Variants in JPT2 observed in about 807,000 individuals in gnomAD.
JPT2 encodes CRAMP_1 like.
JPT2 carries 9 observed loss-of-function variants against 15.9 expected under a neutral mutation model. The ratio of observed to expected loss-of-function variants is 0.57; its 90% CI spans 0.34 to 0.99. The LOEUF is 0.99. Among genes scored for constraint, JPT2 ranks in the 50% least tolerant of loss-of-function variants. The pLI, the probability that JPT2 is intolerant of heterozygous loss-of-function variation, is 0.02. For synonymous variants in JPT2, 95 were observed against 91.7 expected (o/e 1.04, Z -0.21); for missense variants, 267 against 252.1 (o/e 1.06, Z -0.40).
chr16:1,697,278 C>G (rs2037149107), intron 3 of JPT2, among the ~76,000 whole-genome samples: 1 of 152,196 alleles, frequency 6.6e-6, no homozygotes, highest in Non-Finnish European at 1.5e-5. Context: ...CTTTGGGAGG[C>G]TGAGGCACGC....
chr16:1,686,720 T>C (rs1046721567), intron 2 of JPT2: 12 of 151,796 alleles, frequency 7.9e-5, no homozygotes, highest in African/African-American at 2.9e-4. Flanking sequence ...GAAAAAGGTT[T>C]CTCTTGGCTG....
chr16:1,700,065 C>G lies in JPT2; in HGVS notation c.*1067C>G, dbSNP rs138304158. 2.3e-6 allele frequency: 1 copy of G among 441,628 alleles called. No individual in the cohort carries two copies. Among genetic ancestry groups the G allele is most frequent in the Admixed American group, 2.4e-5 (1 of 41,524 alleles). 27.4% of individuals were successfully genotyped at this position (441,628 alleles called of 1,614,324 possible). On this transcript the variant is annotated 3_prime_UTR_variant, in exon 5 of 5. Transcript: ENST00000248098. The stretch of plus-strand genomic sequence containing the variant: ...TGTTGACTCTGGTCTGTTTCTGACA[C>G]CTTTCCAGAAAAAAGTCAATTGTTC...
At chr16:1,678,501 C>A in intron 1 of JPT2, 145 bp downstream of exon 1, 4 of 819,402 alleles carry the variant, frequency 4.9e-6, no homozygotes, top group South Asian at 6.3e-5. Context: ...GGCCGCCGCC[C>A]GCCTTTCTGC....
chr16:1,685,924 A>G (rs2037061652), intron 2 of JPT2: 1 of 215,804 alleles, frequency 4.6e-6, no homozygotes, highest in Non-Finnish European at 9.2e-6. Flanking sequence ...ATTATTGTGC[A>G]TTTAAACATT....
At chr16:1,692,253 A>T in intron 3 of JPT2, 1 of 497,654 alleles carries the variant, frequency 2.0e-6, no homozygotes, top group South Asian at 2.4e-5. Flanking sequence ...GCGGCTCCTC[A>T]CTGCAGTGCT....
chr16:1,695,353 T>C (rs1419320399), intron 3 of JPT2, among the ~76,000 whole-genome samples: 1 of 149,400 alleles, frequency 6.7e-6, no homozygotes. Flanking sequence ...TGCAGTGAGC[T>C]GAGATCGTGC....
chr16:1,682,559 C>T (rs1435794917), intron 1 of JPT2, among the ~76,000 whole-genome samples: 1 of 151,962 alleles, frequency 6.6e-6, no homozygotes, highest in Non-Finnish European at 1.5e-5. Context: ...GTAATCCCAG[C>T]TACTCAGGAG....
rs149509847 is a variant in JPT2, at chr16:1,684,754, A to G, written c.45-685A>G. Among the ~76,000 whole-genome samples the G allele has an allele frequency of 7.2e-4, 110 of 152,090 alleles. 2 individuals are homozygous for G. The East Asian group carries it at 0.016, about 21-fold the overall frequency. On this transcript the variant is annotated intron_variant, in intron 1 of 4. Coordinates refer to ENST00000248098, the MANE Select transcript of JPT2 (RefSeq NM_144570.3). ...GTAAAACTCCGTCTCAAAAAAAACA[A>G]ACAAAAGTTAGCCAGGTGTTGTGGC... is the stretch of plus-strand genomic sequence containing the variant.
chr16:1,698,703 T>C lies in JPT2; in HGVS notation c.386-108T>C. 1 of 1,078,760 alleles carries C rather than the reference T, an allele frequency of 9.3e-7. No homozygotes were observed. The highest frequency in any genetic ancestry group is 1.3e-6 in the Non-Finnish European group (1 of 757,790). The allele number at this position is 1,078,760 out of a possible 1,614,324, so 66.8% of individuals were successfully genotyped here. A position where few individuals can be genotyped will look rare whatever the true frequency, so the allele number is the denominator to read the frequency against. On this transcript the variant is annotated intron_variant, in intron 4 of 4. Coordinates refer to ENST00000248098, the MANE Select transcript of JPT2 (RefSeq NM_144570.3). This position sits in a 1 kb window ranked among gnomAD's most constrained non-coding sequence, Gnocchi z 4.9. ...TGTCTTCTCTTTCCCAGTTACAGCA[T>C]GAATTTCTTGCAGGTTGCTCTATGA...
chr16:1,680,349 A>C lies in JPT2; in HGVS notation c.44+1993A>C, dbSNP rs2037012716. On this transcript the variant is annotated intron_variant, in intron 1 of 4. Transcript: ENST00000248098. ...CGCCGATGTTTTTATATTGACTTTC[A>C]CGCTCCAGAAGTTAGCTGCACAGGG... 3.0e-6 allele frequency: 3 copies of C among 1,002,454 alleles called. No individual in the cohort carries two copies. The African/African-American group carries it at 5.2e-5, about 17-fold the overall frequency. 62.1% of individuals were successfully genotyped at this position (1,002,454 alleles called of 1,614,324 possible). A position where few individuals can be genotyped will look rare whatever the true frequency, so the allele number is the denominator to read the frequency against.
chr16:1,685,893 G>T (rs773622020), intron 2 of JPT2: 9 of 253,780 alleles, frequency 3.5e-5, no homozygotes, highest in Non-Finnish European at 6.0e-5. Context: ...ACCCCCATGA[G>T]ATTCCTGAAA....
chr16:1,687,529 A>G (rs933656848), intron 2 of JPT2, among the ~76,000 whole-genome samples: 5 of 152,192 alleles, frequency 3.3e-5, no homozygotes, highest in African/African-American at 1.2e-4. Flanking sequence ...CCTACTCAGC[A>G]GAGTCATGTC....
rs137934785 is a variant in JPT2, at chr16:1,687,974, T to C, written c.193+2387T>C. 6.1e-4 allele frequency among the ~76,000 whole-genome samples: 93 copies of C among 152,308 alleles called. 1 individual carries two copies. Among genetic ancestry groups the C allele is most frequent in the African/African-American group, 2.1e-3 (87 of 41,570 alleles). On this transcript the variant is annotated intron_variant, in intron 2 of 4. Coordinates refer to ENST00000248098, the MANE Select transcript of JPT2 (RefSeq NM_144570.3). ...CCGACCACATCATAGCCATCGAATGTTTATCAATTCCCATTCAGTGTTTCA... is the reference window on the plus strand; with the variant it reads ...CCGACCACATCATAGCCATCGAATGCTTATCAATTCCCATTCAGTGTTTCA...
At position 1,698,971 on chromosome 16, in the gene JPT2, A is replaced by C; in HGVS notation, c.546A>C (p.Gly182=). 2 of 1,613,166 alleles carry C rather than the reference A, an allele frequency of 1.2e-6. No homozygotes were observed. Among genetic ancestry groups the C allele is most frequent in the Non-Finnish European group, 1.7e-6 (2 of 1,179,510 alleles). ...ACAACAAGGTCCTGAACCCACCGGG[A>C]GGCAAATCCAGCATCTCCTTCTACT... ...RSHNKVLNPP[G]GKSSISFY Residue 182 remains glycine, a synonymous_variant, in exon 5 of 5, where the codon GGA becomes GGC. Transcript: ENST00000248098. This position sits in a 1 kb window ranked among gnomAD's most constrained non-coding sequence, Gnocchi z 4.9.
At chr16:1,682,274 G>A (rs2037029284) in intron 1 of JPT2, among the ~76,000 whole-genome samples, 1 of 152,120 alleles carries the variant, frequency 6.6e-6, no homozygotes, top group Non-Finnish European at 1.5e-5. Flanking sequence ...CTACTCGGAA[G>A]GCTGAGGCGG....
chr16:1,695,423 T>A (rs2037134138), intron 3 of JPT2, among the ~76,000 whole-genome samples: 1 of 140,168 alleles, frequency 7.1e-6, no homozygotes, highest in Non-Finnish European at 1.5e-5. Flanking sequence ...AAAAAAAAAA[T>A]CAGTTGCGTA....
At chr16:1,685,190 T>TG (rs2037055269) in intron 1 of JPT2, among the ~76,000 whole-genome samples, 2 of 151,614 alleles carry the variant, frequency 1.3e-5, no homozygotes, top group African/African-American at 4.9e-5. Context: ...TAGCCAGCTG[T>TG]GGTGGTGGGT....
rs1221988551 is a variant in JPT2, at chr16:1,685,383, C to T, written c.45-56C>T. On this transcript the variant is annotated intron_variant, in intron 1 of 4. Coordinates refer to ENST00000248098, the MANE Select transcript of JPT2 (RefSeq NM_144570.3). ...GTCTAGTTGTGCCAAAATCCTTGCA[C>T]AGTGACAAGCTTTCAGGTCTGCCAT... is the stretch of plus-strand genomic sequence containing the variant. 3.8e-6 allele frequency: 6 copies of T among 1,584,438 alleles called. No homozygotes were observed. The African/African-American group carries it at 6.8e-5, about 18-fold the overall frequency.
Position 1,691,869 on chromosome 16 carries a change from G to A in JPT2, c.220G>A (p.Glu74Lys), listed in dbSNP as rs766263946. The change falls in exon 3 of 5, where the codon GAA (glutamate) becomes AAA (lysine). Residue 74 changes from glutamate (E) to lysine (K), a missense_variant. Coordinates refer to ENST00000248098, the MANE Select transcript of JPT2 (RefSeq NM_144570.3). ...GGGTAAAGGAAGTGGTATCTTTGAC[G>A]AATCAACCCCCGTGCAGACTCGACA... Reference protein sequence around the residue: ...PGGKGSGIFDESTPVQTRQHL... With the variant: ...PGGKGSGIFDKSTPVQTRQHL... 11 of 1,613,902 alleles carry A rather than the reference G, an allele frequency of 6.8e-6. No individual in the cohort carries two copies. Among genetic ancestry groups the A allele is most frequent in the Admixed American group, 3.3e-5 (2 of 59,994 alleles).
Sources: gnomAD v4.1 joint callset for allele counts (sites outside exome capture counted in the v4.1 genomes callset) on GRCh38, gnomAD v4.1.1 for gene constraint, Gnocchi (gnomAD v3.1) non-coding constraint, MANE v1.5 for transcripts, NCBI Gene and HGNC (gene_info 2026-07-23, HGNC 2026-07-21) for gene names.